Variants in NID2 observed in about 807,000 individuals in gnomAD.
The protein encoded by NID2 is nidogen-2.
NID2 carries 83 observed loss-of-function variants against 145.4 expected under a neutral mutation model. The observed-to-expected ratio is 0.57, with a 90% CI of 0.48 to 0.69. NID2 has a LOEUF of 0.69. NID2 is among the 30% of genes least tolerant of loss of function. The pLI is 0.00. For synonymous variants in NID2, 739 were observed against 701.3 expected, an observed-to-expected ratio of 1.05 and a Z score of -0.85; for missense variants, 1,807 against 1,765.7, an observed-to-expected ratio of 1.02 and a Z score of -0.42.
rs1343533999 is a variant in NID2, at chr14:52,054,198, T to C, written c.891A>G (p.Gly297=). 6.2e-7 allele frequency: 1 copy of C among 1,614,178 alleles called. No homozygotes were observed. The highest frequency in any genetic ancestry group is 1.1e-5 in the South Asian group (1 of 91,084). ...LSAAHSSVPL[G]RSFSHATALE... is the part of the protein sequence containing the mutation. ...GGGCTGTAGCATGGCTGAAGGAACG[T>C]CCCAGGGGAACAGAAGAGTGGGCAG... Residue 297 remains glycine, a synonymous_variant, in exon 4 of 22, where the codon GGA becomes GGG. Transcript: ENST00000216286.
chr14:52,037,869 A>T (rs1447300226), intron 9 of NID2, among the ~76,000 whole-genome samples: 1 of 152,228 alleles, frequency 6.6e-6, no homozygotes, highest in Admixed American at 6.5e-5. Flanking sequence ...ACTTCTTTTT[A>T]AAAATTTATC....
chr14:52,018,306 A>G (rs1224712495), intron 14 of NID2, among the ~76,000 whole-genome samples: 1 of 152,242 alleles, frequency 6.6e-6, no homozygotes, highest in Non-Finnish European at 1.5e-5. Flanking sequence ...GCTCTTCATT[A>G]AATAAAGTTC....
chr14:52,030,404 G>A (rs904242125), intron 9 of NID2, among the ~76,000 whole-genome samples: 1 of 151,464 alleles, frequency 6.6e-6, no homozygotes, highest in Admixed American at 6.6e-5. Flanking sequence ...TTGGGAGGCT[G>A]AGGTAGGAGG....
chr14:52,009,305 CAACAAT>C (rs1488184998), intron 18 of NID2: 2 of 152,150 alleles, frequency 1.3e-5, no homozygotes, highest in African/African-American at 4.8e-5. Context: ...ATATCATCAA[CAACAAT>C]AAGTCTGAAA....
intron 9 of NID2, among the ~76,000 whole-genome samples, chr14:52,035,684 A>T (rs1000103446): frequency 6.6e-6 from 1 of 151,088 alleles, no homozygotes; most frequent in African/African-American, 2.4e-5. Context: ...GCTTCCATTT[A>T]TTTTTATTTT....
In NID2 at chr14:52,028,803, C is replaced by G. The variant is rs549541655; in HGVS notation, c.2449G>C (p.Val817Leu). The G allele has an allele frequency of 1.9e-6, 3 of 1,614,102 alleles. No homozygotes were observed. Among genetic ancestry groups the G allele is most frequent in the East Asian group, 4.5e-5 (2 of 44,870 alleles). The change falls in exon 11 of 22, where the codon GTA becomes CTA. Residue 817 changes from valine (V) to leucine (L), a missense_variant. Physicochemically the swap from Val to Leu is conservative, Grantham distance 32. Transcript: ENST00000216286. ...TAGCTTCCAGGCAAGTTGATACATA[C>G]AGAGTTGGGGCCACAGCGATGAAAG... is the stretch of plus-strand genomic sequence containing the variant. ...TGFHRCGPNS[V>L]CINLPGSYRC... is the part of the protein sequence containing the mutation.
chr14:52,007,677 A>G (rs755396521), intron 19 of NID2, 133 bp downstream of exon 19: 15 of 811,636 alleles, frequency 1.8e-5, no homozygotes, highest in Admixed American at 2.4e-5. Flanking sequence ...ACTTAAATTT[A>G]CTAGTACTTA....
At chr14:52,039,032 G>A (rs1278329865) in intron 8 of NID2, 55 bp from the exon 9 acceptor site, 3 of 1,275,366 alleles carry the variant, frequency 2.4e-6, no homozygotes, top group Admixed American at 2.3e-5. Context: ...AGATTTTCAT[G>A]TGAGGTGGAT....
intron 5 of NID2, among the ~76,000 whole-genome samples, chr14:52,047,273 T>C (rs1329907912): frequency 3.9e-5 from 6 of 152,064 alleles, no homozygotes; most frequent in Non-Finnish European, 2.9e-5. Flanking sequence ...GGGGCAGGTG[T>C]ACATGGCTCT....
At chr14:52,018,914 T>G in intron 14 of NID2, 147 bp downstream of exon 14, 2 of 622,490 alleles carry the variant, frequency 3.2e-6, no homozygotes, top group Admixed American at 5.4e-5. Context: ...ACATGCATAT[T>G]TGTACGCACT....
chr14:52,019,140 G>A lies in NID2; in HGVS notation c.2949C>T (p.Cys983=), dbSNP rs762789547. ...GAACTTCATGACCATCAGGGTCCACGCACCAGCAGAAACCAGTGCTGCCAT... is the reference window on the plus strand; with the variant it reads ...GAACTTCATGACCATCAGGGTCCACACACCAGCAGAAACCAGTGCTGCCAT... ...QCHGSTGFCW[C]VDPDGHEVPG... The change falls in exon 14 of 22, where the codon TGC becomes TGT. Residue 983 remains cysteine, a synonymous_variant. Transcript: ENST00000216286. 6.2e-6 allele frequency: 10 copies of A among 1,614,068 alleles called. No homozygotes were observed. Among genetic ancestry groups the A allele is most frequent in the Middle Eastern group, 1.6e-4 (1 of 6,062 alleles).
rs1192759993 is a variant in NID2, at chr14:52,008,148, A to ATC, written c.3723-182_3723-181insGA. On this transcript the variant is annotated intron_variant, in intron 18 of 21. Coordinates refer to ENST00000216286, the MANE Select transcript of NID2 (RefSeq NM_007361.4). The stretch of plus-strand genomic sequence containing the variant: ...GTGCATAGAGTATAGCAGAAGTGAT[A>ATC]GGCTATCACTGCCGATATTCGGTCT... 1.2e-5 allele frequency: 6 copies of ATC among 500,084 alleles called. No individual in the cohort carries two copies. In the Admixed American group the frequency reaches 2.3e-4, roughly 19 times the overall value. 31.0% of individuals were successfully genotyped at this position (500,084 alleles called of 1,614,324 possible). A position where few individuals can be genotyped will look rare whatever the true frequency, so the allele number is the denominator to read the frequency against.
chr14:52,060,849 T>C (rs1475958009), intron 2 of NID2, among the ~76,000 whole-genome samples: 1 of 152,220 alleles, frequency 6.6e-6, no homozygotes, highest in Non-Finnish European at 1.5e-5. Flanking sequence ...AGGCACTAGT[T>C]GGTCAAAAGG....
chr14:52,014,690 G>C (rs1049381138), intron 15 of NID2, among the ~76,000 whole-genome samples: 1 of 150,888 alleles, frequency 6.6e-6, no homozygotes, highest in African/African-American at 2.4e-5. Context: ...ACTTCCCTCA[G>C]AACAAAGCAG....
chr14:52,040,551 T>C, intron 8 of NID2, 100 bp downstream of exon 8: 1 of 980,270 alleles, frequency 1.0e-6, no homozygotes. Flanking sequence ...TTCCATGCAC[T>C]GTTCTAAGGA....
chr14:52,034,135 G>A (rs1891974897), intron 9 of NID2, among the ~76,000 whole-genome samples: 1 of 152,096 alleles, frequency 6.6e-6, no homozygotes, highest in Admixed American at 6.5e-5. Context: ...ATTTGACTGG[G>A]GTGGGAGGGA....
At chr14:52,045,088 C>T (rs540204693) in intron 5 of NID2, among the ~76,000 whole-genome samples, 2 of 152,196 alleles carry the variant, frequency 1.3e-5, no homozygotes, top group East Asian at 3.9e-4. Flanking sequence ...GATCCAAGTA[C>T]GGAGATCATG....
At chr14:52,011,172 C>A (rs1891004265) in intron 17 of NID2, 125 bp from the exon 18 acceptor site, 3 of 812,228 alleles carry the variant, frequency 3.7e-6, no homozygotes, top group Admixed American at 2.6e-5. Context: ...GTCTCCAAGT[C>A]CCCAAGAACC....
chr14:52,023,282 G>A (rs1423372171), intron 12 of NID2, among the ~76,000 whole-genome samples: 6 of 151,930 alleles, frequency 3.9e-5, no homozygotes, highest in African/African-American at 1.5e-4. Context: ...TTTGAGACAA[G>A]CCTGGGCAAC....
Sources: gnomAD v4.1 joint callset for allele counts (sites outside exome capture counted in the v4.1 genomes callset) on GRCh38, gnomAD v4.1.1 for gene constraint, MANE v1.5 for transcripts, NCBI Gene and HGNC (gene_info 2026-07-23, HGNC 2026-07-21) for gene names.